TRAF3IP3: variants seen among roughly 807,000 people sequenced by gnomAD.
TRAF3IP3 encodes the protein TRAF3-interacting JNK-activating modulator.
In TRAF3IP3, 64 loss-of-function variants were observed where a neutral mutation model predicts 86.5. The ratio of observed to expected loss-of-function variants is 0.74; its 90% confidence interval spans 0.60 to 0.91. The LOEUF (loss-of-function observed/expected upper bound fraction) is 0.91, where lower values mean the gene tolerates loss of function less well. Ranked by LOEUF, TRAF3IP3 falls within the 40% of genes least tolerant of loss-of-function variation. TRAF3IP3 has a pLI of 0.00. For synonymous variants in TRAF3IP3, 220 were observed against 243.9 expected (o/e 0.90, Z 0.91); for missense variants, 579 against 642.9 (o/e 0.90, Z 1.07).
At chr1:209,759,534 C>T (rs2077208710) in intron 2 of TRAF3IP3, among the ~76,000 whole-genome samples, 1 of 152,240 alleles carries the variant, frequency 6.6e-6, no homozygotes, top group African/African-American at 2.4e-5. Context: ...AGTAAAGATA[C>T]TGACTTTCCT....
In TRAF3IP3 at chr1:209,777,464, G is replaced by C. The variant is rs1337473877; in HGVS notation, c.1166G>C (p.Ser389Thr). ...CTGCAAGGGGACAGAGACCTGTGCA[G>C]CTTGGATACCCAGGACCTACAAGGT... ...ECLQGDRDLC[S>T]LDTQDLQDQL... The change falls in exon 12 of 17, where the codon AGC (serine) becomes ACC (threonine). Residue 389 changes from serine (S) to threonine (T), a missense_variant. Coordinates refer to ENST00000367025, the MANE Select transcript of TRAF3IP3 (RefSeq NM_025228.4). 1 of 1,613,770 alleles carries C rather than the reference G, an allele frequency of 6.2e-7. No individual in the cohort carries two copies. Among genetic ancestry groups the C allele is most frequent in the South Asian group, 1.1e-5 (1 of 91,032 alleles).
intron 8 of TRAF3IP3, among the ~76,000 whole-genome samples, chr1:209,765,511 C>T (rs1440645684): frequency 1.3e-5 from 2 of 151,730 alleles, no homozygotes; most frequent in Non-Finnish European, 2.9e-5. Flanking sequence ...ACTAAAAATA[C>T]AAAAAATTAG....
chr1:209,764,350 G>C (rs2077300054), intron 8 of TRAF3IP3, among the ~76,000 whole-genome samples: 1 of 152,196 alleles, frequency 6.6e-6, no homozygotes, highest in African/African-American at 2.4e-5. Flanking sequence ...AGGAATGAGT[G>C]ACTCCAGAGA....
rs748259170 is a variant in TRAF3IP3, at chr1:209,775,692, A to T, written c.1009A>T (p.Arg337Trp). ...CTGGAGGACCCTTGGGACCCAGCAC[A>T]GGGAGCTGGAGAGCCAACTCCACGT... ...EDWRTLGTQH[R>W]ELESQLHVLQ... is the part of the protein sequence containing the mutation. The change falls in exon 11 of 17, where the codon AGG becomes TGG. Residue 337 changes from arginine (R) to tryptophan (W), a missense_variant. By Grantham distance (101) the Arg-to-Trp change is moderately radical. Transcript: ENST00000367025. 1.2e-6 allele frequency: 2 copies of T among 1,613,982 alleles called. No individual in the cohort carries two copies. The highest frequency in any genetic ancestry group is 1.7e-6 in the Non-Finnish European group (2 of 1,179,982).
At chr1:209,764,085 G>A (rs576059298) in intron 8 of TRAF3IP3, among the ~76,000 whole-genome samples, 36 of 152,210 alleles carry the variant, frequency 2.4e-4, no homozygotes, top group African/African-American at 8.2e-4. Context: ...AGTAACTTGC[G>A]AAAAGTCACA....
intron 12 of TRAF3IP3, chr1:209,777,805 G>T: frequency 1.9e-6 from 1 of 515,976 alleles, no homozygotes; most frequent in South Asian, 2.7e-5. Flanking sequence ...GAAAGGGAAA[G>T]GTCAGTTGAA....
In TRAF3IP3 at chr1:209,781,458, A is replaced by T; in HGVS notation, c.1563A>T (p.Arg521Ser). 4 of 1,608,486 alleles carry T rather than the reference A, an allele frequency of 2.5e-6. No homozygotes were observed. The South Asian group carries it at 4.4e-5, about 18-fold the overall frequency. ...ELNQSQQLPP[R>S]RQCGRWLPVL... ...ACCAGAGCCAGCAGCTGCCTCCCAG[A>T]GTAAGAGGGTCTCTCCTTCCCATAA... is the stretch of plus-strand genomic sequence containing the variant. Residue 521 changes from arginine (R) to serine (S), a missense_variant and splice_region_variant, in exon 16 of 17, where the codon AGA becomes AGT. By Grantham distance (110) the Arg-to-Ser change is moderately radical (BLOSUM62 -1). Coordinates refer to ENST00000367025, the MANE Select transcript of TRAF3IP3 (RefSeq NM_025228.4).
chr1:209,778,256 AGG>A, intron 13 of TRAF3IP3, 83 bp downstream of exon 13: 1 of 1,139,752 alleles, frequency 8.8e-7, no homozygotes, highest in African/African-American at 1.5e-5. Flanking sequence ...GTAGGGACTA[AGG>A]GCCCAGTCTT....
chr1:209,779,463 G>C (rs1257620452), intron 14 of TRAF3IP3, 89 bp downstream of exon 14: 3 of 1,112,454 alleles, frequency 2.7e-6, no homozygotes, highest in East Asian at 2.4e-5. Flanking sequence ...ACCTCCTGGA[G>C]TCCCAGCCAG....
At chr1:209,762,297 G>A (rs182658007) in intron 3 of TRAF3IP3, among the ~76,000 whole-genome samples, 1 of 152,268 alleles carries the variant, frequency 6.6e-6, no homozygotes, top group Admixed American at 6.5e-5. Flanking sequence ...TCCCATTCAT[G>A]AGGGCTACCT....
At chr1:209,764,049 G>A (rs565366216) in intron 8 of TRAF3IP3, among the ~76,000 whole-genome samples, 2 of 152,332 alleles carry the variant, frequency 1.3e-5, no homozygotes, top group African/African-American at 2.4e-5. Context: ...TTTTGCCCAT[G>A]AGGAAACTGA....
At chr1:209,772,069 ATGGAGGTGTGTGTGTGCATG>A (rs919383504) in intron 8 of TRAF3IP3, among the ~76,000 whole-genome samples, 10 of 146,846 alleles carry the variant, frequency 6.8e-5, no homozygotes, top group Non-Finnish European at 1.2e-4. Context: ...GTGTGTGTAT[ATGGAGGTGTGTGTGTGCATG>A]TGGAGGTGTG....
At chr1:209,773,507 AT>A (rs2077590103) in intron 9 of TRAF3IP3, among the ~76,000 whole-genome samples, 1 of 152,120 alleles carries the variant, frequency 6.6e-6, no homozygotes. Context: ...CTGTAACACC[AT>A]TTTCCAGCAT....
chr1:209,765,227 G>GGAAGGAAGGA (rs2077327916), intron 8 of TRAF3IP3, among the ~76,000 whole-genome samples: 4 of 58,284 alleles, frequency 6.9e-5, no homozygotes, highest in East Asian at 4.7e-4. Context: ...GAGAGAGAGA[G>GGAAGGAAGGA]AGGAAGGAAG....
chr1:209,775,546 G>C (rs768915499), intron 10 of TRAF3IP3, 53 bp from the exon 11 acceptor site: 9 of 1,614,042 alleles, frequency 5.6e-6, no homozygotes, highest in Non-Finnish European at 8.5e-7. Context: ...TGGGGAACAA[G>C]GGGAGCCAGC....
At chr1:209,771,762 GGT>G (rs57342752) in intron 8 of TRAF3IP3, among the ~76,000 whole-genome samples, 26,162 of 87,176 alleles carry the variant, frequency 0.3, 4,986 homozygotes, top group Non-Finnish European at 0.36. Context: ...CGCATGTGAA[GGT>G]GTGTGTGTAT....
intron 14 of TRAF3IP3, 64 bp from the exon 15 acceptor site, chr1:209,780,406 C>A: frequency 7.1e-7 from 1 of 1,405,402 alleles, no homozygotes; most frequent in Non-Finnish European, 9.4e-7. Context: ...AGTGGTTTCA[C>A]CCTCAGGGCC....
Position 209,775,378 on chromosome 1 carries a change from A to G in TRAF3IP3, c.804A>G (p.Val268=). ...QKYSPWGMKK[V]LLEMEDQKNS... ...ACTCCCCTTGGGGAATGAAAAAAGT[A>G]CTACTGGAGATGGAAGACCAGAAAA... The change falls in exon 10 of 17, where the codon GTA becomes GTG. Residue 268 remains valine, a synonymous_variant. Transcript: ENST00000367025. 6.2e-7 allele frequency: 1 copy of G among 1,613,914 alleles called. No individual in the cohort carries two copies. The highest frequency in any genetic ancestry group is 1.3e-5 in the African/African-American group (1 of 75,060).
At chr1:209,777,509 T>C in intron 12 of TRAF3IP3, 22 bp downstream of exon 12, 4 of 1,586,584 alleles carry the variant, frequency 2.5e-6, no homozygotes, top group Non-Finnish European at 2.6e-6. Flanking sequence ...CTTGGAGGCC[T>C]TGAGTGCATG....
Sources: allele counts gnomAD v4.1 joint callset (sites outside exome capture counted in the v4.1 genomes callset), GRCh38; gene constraint gnomAD v4.1.1; transcripts MANE v1.5; gene names NCBI Gene and HGNC (gene_info 2026-07-23, HGNC 2026-07-21).